MEI1: variants seen among roughly 807,000 people sequenced by gnomAD.
The protein encoded by MEI1 is meiosis inhibitor protein 1.
In MEI1, 103 loss-of-function variants were observed where a neutral mutation model predicts 146.2. The ratio of observed to expected loss-of-function variants is 0.70; its 90% CI spans 0.60 to 0.83. The LOEUF (loss-of-function observed/expected upper bound fraction) is 0.83. Ranked by LOEUF, MEI1 falls within the 40% of genes least tolerant of loss-of-function variation. MEI1 has a pLI of 0.00. For missense variants in MEI1, 1,529 were observed against 1,533.0 expected (o/e 1.00, Z 0.04); for synonymous variants, 652 against 628.2 (o/e 1.04, Z -0.57).
chr22:41,730,606 ACT>A lies in MEI1; in HGVS notation c.1068_1069del (p.Ser359GlnfsTer36), dbSNP rs1176065692. ...NCLTLLVEEP[L>X]FFSKCHTVYG... ...GCTTGACACTCCTGGTAGAAGAGCC[ACT>A]CTTTTTTTCCAAGTGCCACACGGTG... On this transcript the variant is annotated frameshift_variant, in exon 9 of 31. Coordinates refer to ENST00000401548, the MANE Select transcript of MEI1 (RefSeq NM_152513.4). LOFTEE classifies it high-confidence loss of function. The A allele has an allele frequency of 6.2e-7, 1 of 1,613,154 alleles. No individual in the cohort carries two copies. The highest frequency in any genetic ancestry group is 8.5e-7 in the Non-Finnish European group (1 of 1,179,620).
Position 41,724,024 on chromosome 22 carries a change from A to G in MEI1, c.815A>G (p.Asn272Ser), listed in dbSNP as rs969555682. 5.0e-6 allele frequency: 8 copies of G among 1,613,772 alleles called. No individual in the cohort carries two copies. The African/African-American group carries it at 1.1e-4, about 22-fold the overall frequency. The change falls in exon 7 of 31, where the codon AAT becomes AGT. Residue 272 changes from asparagine to serine, a missense_variant. Physicochemically the swap from Asn to Ser is conservative, Grantham distance 46 (BLOSUM62 1). This residue lies in a region of MEI1 where 1,212 missense variants were observed against 1,178.9 expected (regional missense o/e 1.03). Coordinates refer to ENST00000401548, the MANE Select transcript of MEI1 (RefSeq NM_152513.4). ...GATGGACTGGGAGAAAGTGCTAAGA[A>G]TATCGAAGGGTCATCAGGAAATACC... is the stretch of plus-strand genomic sequence containing the variant. ...NQDGLGESAK[N>S]IEGSSGNTSL...
At chr22:41,752,068 C>T (rs2073792761) in intron 15 of MEI1, among the ~76,000 whole-genome samples, 1 of 145,758 alleles carries the variant, frequency 6.9e-6, no homozygotes, top group Non-Finnish European at 1.5e-5. Context: ...GGCTCCGTCT[C>T]AGGAAAAAAA....
chr22:41,784,208 G>T (rs1054672396), intron 24 of MEI1, 131 bp from the exon 25 acceptor site: 2 of 745,778 alleles, frequency 2.7e-6, no homozygotes, highest in African/African-American at 1.8e-5. Flanking sequence ...AGGACTCTGT[G>T]TGGCCTCCTC....
chr22:41,796,887 G>A (rs893853602), intron 30 of MEI1, among the ~76,000 whole-genome samples: 1 of 152,062 alleles, frequency 6.6e-6, no homozygotes, highest in African/African-American at 2.4e-5. Context: ...GCGGAGGGCA[G>A]TGAGCCAAGA....
intron 21 of MEI1, among the ~76,000 whole-genome samples, chr22:41,776,645 T>C (rs2075449853): frequency 6.6e-6 from 1 of 151,996 alleles, no homozygotes; most frequent in Non-Finnish European, 1.5e-5. Flanking sequence ...GGGAGGTGGA[T>C]CTGTGATGTG....
chr22:41,787,444 C>T (rs2148205621), intron 26 of MEI1, among the ~76,000 whole-genome samples: 1 of 152,318 alleles, frequency 6.6e-6, no homozygotes, highest in East Asian at 1.9e-4. Flanking sequence ...CTCCTTCTTG[C>T]CAGACCAGGG....
intron 15 of MEI1, among the ~76,000 whole-genome samples, chr22:41,749,180 G>A (rs1018529984): frequency 6.6e-6 from 1 of 152,102 alleles, no homozygotes; most frequent in Admixed American, 6.6e-5. Flanking sequence ...TTGTCACATG[G>A]CATGCAACAA....
At chr22:41,713,074 G>A (rs1303951006) in intron 3 of MEI1, among the ~76,000 whole-genome samples, 1 of 152,012 alleles carries the variant, frequency 6.6e-6, no homozygotes, top group Non-Finnish European at 1.5e-5. Context: ...CTCCCAAAGC[G>A]CTGGGATTAC....
At position 41,708,404 on chromosome 22, in the gene MEI1, C is replaced by CT. The variant is rs776286203; in HGVS notation, c.349+2864dup. ...ACCTTCATTCCTGAAAGGTCTGAAT[C>CT]TTTTTTTTTTTTTTCCAAGCCAAAC... On this transcript the variant is annotated intron_variant, in intron 3 of 30. Coordinates refer to ENST00000401548, the MANE Select transcript of MEI1 (RefSeq NM_152513.4). Among the ~76,000 whole-genome samples, 826 of 142,156 alleles carry CT rather than the reference C, an allele frequency of 5.8e-3. 2 individuals carry two copies. The highest frequency in any genetic ancestry group is 7.2e-3 in the Middle Eastern group (2 of 278). 93.3% of individuals were successfully genotyped at this position (142,156 alleles called of 152,430 possible). A position where few individuals can be genotyped will look rare whatever the true frequency, so the allele number is the denominator to read the frequency against.
intron 9 of MEI1, among the ~76,000 whole-genome samples, chr22:41,731,485 G>C (rs1272033889): frequency 6.6e-6 from 1 of 152,032 alleles, no homozygotes; most frequent in Admixed American, 6.6e-5. Context: ...CTCCCAGGTA[G>C]CTGGGATTAG....
intron 7 of MEI1, among the ~76,000 whole-genome samples, chr22:41,729,024 C>T (rs962697831): frequency 6.7e-6 from 1 of 149,442 alleles, no homozygotes; most frequent in African/African-American, 2.5e-5. Flanking sequence ...ATTAGCTGAG[C>T]GTGGTGGTGC....
At chr22:41,741,141 GTGTCAGGCTGCATTCAAAGTTGTCC>G (rs1386658493) in intron 11 of MEI1, among the ~76,000 whole-genome samples, 1 of 152,162 alleles carries the variant, frequency 6.6e-6, no homozygotes, top group African/African-American at 2.4e-5. Flanking sequence ...TTACAAATTT[GTGTCAGGCTGCATTCAAAGTTGTCC>G]TGGGCTGCAT....
intron 7 of MEI1, among the ~76,000 whole-genome samples, 191 bp from the exon 8 acceptor site, chr22:41,729,474 C>T (rs866465888): frequency 6.6e-6 from 1 of 152,210 alleles, no homozygotes; most frequent in Non-Finnish European, 1.5e-5. Flanking sequence ...ATTTTTCTCA[C>T]CTGCTGCTGT....
intron 20 of MEI1, 180 bp from the exon 21 acceptor site, chr22:41,775,922 T>C (rs968160669): frequency 1.0e-4 from 58 of 575,500 alleles, no homozygotes; most frequent in Middle Eastern, 4.3e-4. Flanking sequence ...AGGGATGGTT[T>C]TGAGGCGTCA....
chr22:41,713,855 A>G (rs1449991620), intron 3 of MEI1, 147 bp from the exon 4 acceptor site: 1 of 664,810 alleles, frequency 1.5e-6, no homozygotes, highest in East Asian at 2.8e-5. Flanking sequence ...GCCTGTGCAC[A>G]CATAGTTAAA....
In MEI1 at chr22:41,703,380, G is replaced by A; in HGVS notation, c.224G>A (p.Arg75Lys). The change falls in exon 2 of 31, where the codon AGG becomes AAG. Residue 75 changes from arginine (R) to lysine (K), a missense_variant. Physicochemically the swap from Arg to Lys is conservative, Grantham distance 26. Transcript: ENST00000401548. ...MLSCFQDALV[R>K]HTSLVTQLVS... ...TCCTGCTTCCAAGATGCCCTTGTGA[G>A]GCATACCTCCCTGGTCACGCAACTG... 1 of 1,612,068 alleles carries A rather than the reference G, an allele frequency of 6.2e-7. No individual in the cohort carries two copies. Among genetic ancestry groups the A allele is most frequent in the Non-Finnish European group, 8.5e-7 (1 of 1,179,074 alleles).
At position 41,758,460 on chromosome 22, in the gene MEI1, A is replaced by T. The variant is rs1037032261; in HGVS notation, c.2047A>T (p.Met683Leu). Residue 683 changes from methionine to leucine, a missense_variant, in exon 18 of 31, where the codon ATG (methionine) becomes TTG (leucine). Coordinates refer to ENST00000401548, the MANE Select transcript of MEI1 (RefSeq NM_152513.4). ...TGCCTTCCTGTCTGATCGCCAGTAC[A>T]TGGAGGGAGCTGCTCGCCAGAGACA... is the stretch of plus-strand genomic sequence containing the variant. Reference protein sequence around the residue: ...SLAFLSDRQYMEGAARQRQYC... With the variant: ...SLAFLSDRQYLEGAARQRQYC... 2 of 1,613,922 alleles carry T rather than the reference A, an allele frequency of 1.2e-6. No homozygotes were observed. Among genetic ancestry groups the T allele is most frequent in the Non-Finnish European group, 1.7e-6 (2 of 1,179,868 alleles).
At chr22:41,705,598 A>G (rs1010486624) in intron 3 of MEI1, 44 bp downstream of exon 3, 5 of 1,552,220 alleles carry the variant, frequency 3.2e-6, no homozygotes, top group African/African-American at 1.4e-5. Flanking sequence ...TGAAAGTATT[A>G]GTCTGAATTG....
intron 26 of MEI1, among the ~76,000 whole-genome samples, chr22:41,792,918 TAAAA>T (rs139554): frequency 5.5e-5 from 8 of 144,286 alleles, no homozygotes; most frequent in Admixed American, 6.9e-5. Flanking sequence ...CCTGTTGCTT[TAAAA>T]AAAAAAAAAA....
Sources: gnomAD v4.1 joint callset for allele counts (sites outside exome capture counted in the v4.1 genomes callset) on GRCh38, gnomAD v4.1.1 for gene constraint, gnomAD v4.1.1 regional missense constraint, MANE v1.5 for transcripts, NCBI Gene and HGNC (gene_info 2026-07-23, HGNC 2026-07-21) for gene names.